DNER: variants seen among roughly 807,000 people sequenced by gnomAD.
The protein encoded by DNER is delta and Notch-like epidermal growth factor-related receptor.
DNER carries 33 observed loss-of-function variants against 78.2 expected under a neutral mutation model. That is an observed-to-expected ratio of 0.42 (90% CI 0.32 to 0.56). The LOEUF (loss-of-function observed/expected upper bound fraction) is 0.56. Among genes scored for constraint, DNER ranks in the 20% least tolerant of loss-of-function variants. DNER has a pLI of 0.11. For missense variants in DNER, 918 were observed against 975.3 expected, an observed-to-expected ratio of 0.94 and a Z score of 0.78; for synonymous variants, 417 against 384.8, an observed-to-expected ratio of 1.08 and a Z score of -0.98.
At chr2:229,637,268 C>G (rs1698545730) in intron 1 of DNER, among the ~76,000 whole-genome samples, 1 of 152,182 alleles carries the variant, frequency 6.6e-6, no homozygotes, top group South Asian at 2.1e-4. Context: ...TTTAAAGTTA[C>G]AAAACATAAC....
intron 5 of DNER, among the ~76,000 whole-genome samples, chr2:229,541,689 C>T (rs1453096977): frequency 4.6e-5 from 7 of 151,936 alleles, no homozygotes; most frequent in Admixed American, 6.6e-5. Flanking sequence ...AAAGCCTGAC[C>T]TCCACTATGC....
intron 7 of DNER, among the ~76,000 whole-genome samples, chr2:229,465,977 C>G (rs1694796767): frequency 6.6e-6 from 1 of 152,110 alleles, no homozygotes; most frequent in Non-Finnish European, 1.5e-5. Context: ...CTGTCCACTT[C>G]TCTCTATCTC....
rs562467830 is a variant in DNER at position 229,681,875 on chromosome 2, G to A, written c.276+32273C>T. On this transcript the variant is annotated intron_variant, in intron 1 of 12. Coordinates refer to ENST00000341772, the MANE Select transcript of DNER (RefSeq NM_139072.4). Reference sequence around the variant, plus strand: ...ACACACACACACACACAAATGTATCGTATAACATGTTTATAAATTTATAAA... The same window carrying A: ...ACACACACACACACACAAATGTATCATATAACATGTTTATAAATTTATAAA... Among the ~76,000 whole-genome samples the A allele has an allele frequency of 7.5e-5, 10 of 133,282 alleles. No homozygotes were observed. In the East Asian group the frequency reaches 8.7e-4, roughly 12 times the overall value. 87.4% of individuals were successfully genotyped at this position (133,282 alleles called of 152,430 possible).
chr2:229,699,870 A>T (rs1426124778), intron 1 of DNER, among the ~76,000 whole-genome samples: 1 of 152,210 alleles, frequency 6.6e-6, no homozygotes, highest in Non-Finnish European at 1.5e-5. Flanking sequence ...AGAACCAAGA[A>T]TTATAAGCTT....
At chr2:229,426,842 C>A (rs1693889694) in intron 8 of DNER, among the ~76,000 whole-genome samples, 1 of 152,210 alleles carries the variant, frequency 6.6e-6, no homozygotes, top group African/African-American at 2.4e-5. Flanking sequence ...AATCGTGCTT[C>A]TGTCACACAC....
At chr2:229,525,750 C>A (rs1439616892) in intron 5 of DNER, among the ~76,000 whole-genome samples, 1 of 152,134 alleles carries the variant, frequency 6.6e-6, no homozygotes, top group Non-Finnish European at 1.5e-5. Flanking sequence ...ATAACTGGGA[C>A]TACAGGCATG....
At chr2:229,545,639 C>T (rs1696613902) in intron 5 of DNER, among the ~76,000 whole-genome samples, 1 of 152,126 alleles carries the variant, frequency 6.6e-6, no homozygotes, top group Non-Finnish European at 1.5e-5. Context: ...CTGCTGTGGT[C>T]CTTTGTTCAT....
rs573919189 is a variant in DNER, at chr2:229,519,719, C to T, written c.994-6783G>A. Among the ~76,000 whole-genome samples, 3 of 152,216 alleles carry T rather than the reference C, an allele frequency of 2.0e-5. No homozygotes were observed. The East Asian group carries it at 5.8e-4, about 29-fold the overall frequency. On this transcript the variant is annotated intron_variant, in intron 5 of 12. Coordinates refer to ENST00000341772, the MANE Select transcript of DNER (RefSeq NM_139072.4). ...GTTCAGAAGATGCGTGTGGGGAGGCCCTTCACCCTTAAGGGCATCTGCTAG... is the reference window on the plus strand; with the variant it reads ...GTTCAGAAGATGCGTGTGGGGAGGCTCTTCACCCTTAAGGGCATCTGCTAG...
At chr2:229,478,637 T>G (rs1394408252) in intron 6 of DNER, among the ~76,000 whole-genome samples, 1 of 152,188 alleles carries the variant, frequency 6.6e-6, no homozygotes, top group Non-Finnish European at 1.5e-5. Flanking sequence ...AGAGGAATGC[T>G]GCAAATAACT....
chr2:229,457,774 T>C (rs1183322898), intron 7 of DNER, among the ~76,000 whole-genome samples: 2 of 111,556 alleles, frequency 1.8e-5, no homozygotes, highest in Non-Finnish European at 3.8e-5. Context: ...AGACTTTATT[T>C]GGAAAAAAAA....
chr2:229,590,992 A>G (rs1272571653), intron 2 of DNER, among the ~76,000 whole-genome samples: 1 of 152,180 alleles, frequency 6.6e-6, no homozygotes, highest in African/African-American at 2.4e-5. Context: ...TTGCCATGTG[A>G]CACACTGGCT....
At chr2:229,563,626 A>G (rs563636592) in intron 4 of DNER, among the ~76,000 whole-genome samples, 88 of 124,918 alleles carry the variant, frequency 7.0e-4, no homozygotes, top group Middle Eastern at 7.6e-3. Context: ...TCATCACCCC[A>G]TCACCAACAT....
At chr2:229,499,820 T>C (rs1695577811) in intron 6 of DNER, among the ~76,000 whole-genome samples, 1 of 151,972 alleles carries the variant, frequency 6.6e-6, no homozygotes, top group Non-Finnish European at 1.5e-5. Flanking sequence ...AAACCACACG[T>C]CTGATAAAGA....
At chr2:229,474,793 C>G (rs909622559) in intron 7 of DNER, among the ~76,000 whole-genome samples, 3 of 152,178 alleles carry the variant, frequency 2.0e-5, no homozygotes, top group African/African-American at 7.2e-5. Context: ...TCACCTCCCA[C>G]CACCTTGCTC....
At position 229,638,257 on chromosome 2, in the gene DNER, AC is replaced by A. The variant is rs576776982; in HGVS notation, c.277-46370del. The stretch of plus-strand genomic sequence containing the variant: ...GGAACCTCATAAAGAACTTAAAAGA[AC>A]CAACCATTTTTTAAAAGAATGAGTT... On this transcript the variant is annotated intron_variant, in intron 1 of 12. Transcript: ENST00000341772. Among the ~76,000 whole-genome samples the A allele has an allele frequency of 2.2e-3, 332 of 152,328 alleles. 2 individuals carry two copies. The highest frequency in any genetic ancestry group is 7.7e-3 in the African/African-American group (320 of 41,582).
chr2:229,385,194 C>T (rs939084528), intron 11 of DNER, among the ~76,000 whole-genome samples: 1 of 151,680 alleles, frequency 6.6e-6, no homozygotes, highest in Middle Eastern at 3.2e-3. Flanking sequence ...AAATGCAATC[C>T]ATCACTTAAA....
intron 10 of DNER, among the ~76,000 whole-genome samples, chr2:229,394,801 C>T (rs207673): frequency 6.6e-6 from 1 of 152,036 alleles, no homozygotes; most frequent in African/African-American, 2.4e-5. Flanking sequence ...TAAAATTAGA[C>T]AAGATTTTCT....
intron 8 of DNER, among the ~76,000 whole-genome samples, chr2:229,434,950 G>A (rs1004132197): frequency 4.2e-5 from 6 of 143,720 alleles, no homozygotes; most frequent in Admixed American, 1.4e-4. Context: ...ACACACACAC[G>A]TGCACACACA....
intron 1 of DNER, among the ~76,000 whole-genome samples, chr2:229,671,741 C>A (rs911224705): frequency 6.6e-6 from 1 of 152,190 alleles, no homozygotes; most frequent in Non-Finnish European, 1.5e-5. Flanking sequence ...GCTCTGGGAC[C>A]AAGCTGTCGG....
Sources: gnomAD v4.1 joint callset for allele counts (sites outside exome capture counted in the v4.1 genomes callset) on GRCh38, gnomAD v4.1.1 for gene constraint, MANE v1.5 for transcripts, NCBI Gene and HGNC (gene_info 2026-07-23, HGNC 2026-07-21) for gene names.